The following GPI variants were observed in gnomAD, a reference collection of about 807,000 sequenced individuals.
GPI encodes glucose-6-phosphate isomerase.
A neutral mutation model predicts 75.8 loss-of-function variants in GPI; 56 were observed. That is an observed-to-expected ratio of 0.74 (90% CI 0.60 to 0.92). The LOEUF is 0.92. GPI is among the 40% of genes least tolerant of loss of function. The pLI, the probability that GPI is intolerant of heterozygous loss-of-function variation, is 0.00. For missense variants in GPI, 638 were observed against 741.0 expected (o/e 0.86, Z 1.61); for synonymous variants, 288 against 285.4 (o/e 1.01, Z -0.09).
At chr19:34,367,068 T>A in intron 3 of GPI, 1 of 692,832 alleles carries the variant, frequency 1.4e-6, no homozygotes, top group Non-Finnish European at 2.6e-6. Context: ...GTTCCCAGTG[T>A]CTGCCTGGGA....
intron 4 of GPI, among the ~76,000 whole-genome samples, chr19:34,372,648 A>G (rs955887734): frequency 2.0e-5 from 3 of 152,190 alleles, no homozygotes; most frequent in Non-Finnish European, 4.4e-5. Flanking sequence ...TCGTTAAAAC[A>G]AAACTAAAAA....
rs1392511302 is a variant in GPI, at chr19:34,393,779, C to T, written c.909+8C>T. On this transcript the variant is annotated splice_region_variant and intron_variant, in intron 11 of 17. Transcript: ENST00000356487. This position sits in a 1 kb window ranked among gnomAD's most constrained non-coding sequence, Gnocchi z 4.4. ...TCGGGGGCTCACTGGATGGTGAGTG[C>T]TGAGGCTGGTTCTCTGCCAAGTGCT... 6.2e-7 allele frequency: 1 copy of T among 1,612,770 alleles called. No homozygotes were observed. The highest frequency in any genetic ancestry group is 8.5e-7 in the Non-Finnish European group (1 of 1,179,894).
upstream of GPI, among the ~76,000 whole-genome samples, chr19:34,363,016 G>A (rs2074309390): frequency 6.6e-6 from 1 of 152,220 alleles, no homozygotes; most frequent in Admixed American, 6.5e-5. Flanking sequence ...CAGGTGCAGT[G>A]CTGCATGCCT....
At chr19:34,391,655 G>A (rs1262335774) in intron 9 of GPI, among the ~76,000 whole-genome samples, 1 of 292 alleles carries the variant, frequency 3.4e-3, no homozygotes, top group East Asian at 0.05. Context: ...TGGGAATTTG[G>A]TACATGTATG....
intron 4 of GPI, among the ~76,000 whole-genome samples, chr19:34,374,814 C>T (rs1351958742): frequency 2.0e-5 from 3 of 150,836 alleles, no homozygotes; most frequent in Admixed American, 6.6e-5. Context: ...ACTGCAGCCT[C>T]GAACTCCTGG....
chr19:34,379,211 C>T (rs1448895470), intron 7 of GPI, among the ~76,000 whole-genome samples: 6 of 152,258 alleles, frequency 3.9e-5, no homozygotes, highest in Admixed American at 6.5e-5. Flanking sequence ...CCTGCTCTCG[C>T]TGGCTGACAG....
At chr19:34,384,492 G>A (rs2074702885) in intron 9 of GPI, among the ~76,000 whole-genome samples, 1 of 152,176 alleles carries the variant, frequency 6.6e-6, no homozygotes, top group African/African-American at 2.4e-5. Flanking sequence ...CCAGGAGCAT[G>A]CAAAGATAGG....
At chr19:34,375,216 C>A (rs961828743) in intron 4 of GPI, among the ~76,000 whole-genome samples, 1 of 150,882 alleles carries the variant, frequency 6.6e-6, no homozygotes, top group Admixed American at 6.6e-5. Flanking sequence ...GATCTCCACT[C>A]ACTGCAACCT....
chr19:34,393,315 G>A lies in GPI; in HGVS notation c.865+7G>A. 2 of 1,608,292 alleles carry A rather than the reference G, an allele frequency of 1.2e-6. No individual in the cohort carries two copies. The highest frequency in any genetic ancestry group is 1.7e-6 in the Non-Finnish European group (2 of 1,174,658). On this transcript the variant is annotated splice_region_variant and intron_variant, in intron 10 of 17. Transcript: ENST00000356487. The surrounding 1 kb of genome is among the most constrained non-coding windows in gnomAD (Gnocchi z 4.4). Reference sequence around the variant, plus strand: ...TCCATTGCCCTGCACGTGGGTGAGTGTGTTTCTGTGTCTTGCAGCCCCTGT... The same window carrying A: ...TCCATTGCCCTGCACGTGGGTGAGTATGTTTCTGTGTCTTGCAGCCCCTGT...
chr19:34,396,710 G>A, intron 14 of GPI, 53 bp downstream of exon 14: 1 of 1,446,456 alleles, frequency 6.9e-7, no homozygotes, highest in Admixed American at 1.7e-5. Flanking sequence ...ATTGCACCCA[G>A]ACCTCTGAAA....
intron 6 of GPI, among the ~76,000 whole-genome samples, 176 bp downstream of exon 6, chr19:34,378,057 A>G (rs563694920): frequency 4.6e-5 from 7 of 152,292 alleles, no homozygotes; most frequent in Admixed American, 3.9e-4. Flanking sequence ...AGCAGCAAAT[A>G]AGGTTGACTG....
chr19:34,383,154 G>A (rs548264692), intron 9 of GPI, among the ~76,000 whole-genome samples: 9 of 152,188 alleles, frequency 5.9e-5, no homozygotes, highest in Non-Finnish European at 1.2e-4. Flanking sequence ...TCAGGCAGGG[G>A]TGTGGTGGGA....
chr19:34,365,424 G>T, intron 1 of GPI, 36 bp downstream of exon 1: 1 of 1,533,978 alleles, frequency 6.5e-7, no homozygotes, highest in Non-Finnish European at 8.7e-7. Context: ...TGCCACGCGC[G>T]GCGCCCGGAA....
intron 9 of GPI, among the ~76,000 whole-genome samples, chr19:34,391,610 G>A (rs567386081): frequency 0.053 from 23 of 438 alleles, no homozygotes; most frequent in South Asian, 0.35. Flanking sequence ...TGTGTCCCTG[G>A]TATGAGGATC....
At chr19:34,378,873 G>A (rs2074594521) in intron 6 of GPI, 61 bp from the exon 7 acceptor site, 1 of 1,282,952 alleles carries the variant, frequency 7.8e-7, no homozygotes, top group South Asian at 1.2e-5. Context: ...GCTGAACCCT[G>A]GCTCAAGGCC....
At chr19:34,376,480 C>T (rs1295216517) in intron 4 of GPI, among the ~76,000 whole-genome samples, 1 of 151,774 alleles carries the variant, frequency 6.6e-6, no homozygotes, top group Non-Finnish European at 1.5e-5. Flanking sequence ...TTGCTTGAAC[C>T]CTGGAGCCTG....
rs1266161661 is a variant in GPI at position 34,381,461 on chromosome 19, T to C, written c.751-5T>C. 6.3e-7 allele frequency: 1 copy of C among 1,597,596 alleles called. No homozygotes were observed. Among genetic ancestry groups the C allele is most frequent in the Admixed American group, 1.7e-5 (1 of 60,006 alleles). ...ATTTCTCTCCCTTTGTTTTTTTTTT[T>C]GTAGACCAAAGTGAAGGAGTTTGGA... is the stretch of plus-strand genomic sequence containing the variant. On this transcript the variant is annotated splice_region_variant and splice_polypyrimidine_tract_variant and intron_variant, in intron 8 of 17. Transcript: ENST00000356487.
Position 34,374,455 on chromosome 19 carries a change from C to T in GPI, c.403-3048C>T, listed in dbSNP as rs568570029. 3.9e-5 allele frequency among the ~76,000 whole-genome samples: 6 copies of T among 152,230 alleles called. No homozygotes were observed. In the East Asian group the frequency reaches 9.7e-4, roughly 25 times the overall value. On this transcript the variant is annotated intron_variant, in intron 4 of 17. Transcript: ENST00000356487. The stretch of plus-strand genomic sequence containing the variant: ...TGGCGCCTAGTGATTGATTTTGTTC[C>T]TTCCACACACAGATACCCCACTCAC...
upstream of GPI, chr19:34,365,019 G>A: frequency 6.5e-7 from 1 of 1,531,474 alleles, no homozygotes; most frequent in Non-Finnish European, 8.7e-7. Flanking sequence ...CGGCGCAAGA[G>A]GTAGGGAGAG....
Sources: gnomAD v4.1 joint callset for allele counts (sites outside exome capture counted in the v4.1 genomes callset) on GRCh38, gnomAD v4.1.1 for gene constraint, Gnocchi (gnomAD v3.1) non-coding constraint, MANE v1.5 for transcripts, NCBI Gene and HGNC (gene_info 2026-07-23, HGNC 2026-07-21) for gene names.